Variants in PCDHGA2 observed in about 807,000 individuals in gnomAD.
The protein encoded by PCDHGA2 is protocadherin gamma subfamily A, 2.
Under a neutral mutation model 59.2 loss-of-function variants are expected in PCDHGA2, and 40 were observed. That is an observed-to-expected ratio of 0.68 (90% CI 0.52 to 0.88). The LOEUF (loss-of-function observed/expected upper bound fraction) is 0.88, where lower values mean the gene tolerates loss of function less well. Among genes scored for constraint, PCDHGA2 ranks in the 40% least tolerant of loss-of-function variants. PCDHGA2 has a pLI of 0.00. For missense variants in PCDHGA2, 1,226 were observed against 1,204.0 expected, an observed-to-expected ratio of 1.02 and a Z score of -0.27; for synonymous variants, 560 against 526.0, an observed-to-expected ratio of 1.06 and a Z score of -0.89.
intron 1 of PCDHGA2, chr5:141,365,994 A>G: frequency 6.2e-7 from 1 of 1,614,260 alleles, no homozygotes; most frequent in Non-Finnish European, 8.5e-7. Flanking sequence ...GTGCTGGACC[A>G]GAACGACAAT....
At chr5:141,365,190 A>C (rs1188827131) in intron 1 of PCDHGA2, 1 of 1,613,890 alleles carries the variant, frequency 6.2e-7, no homozygotes, top group South Asian at 1.1e-5. Context: ...GAAGAAGAAA[A>C]AATTTCGGAG....
At chr5:141,400,166 C>T (rs370071207) in intron 1 of PCDHGA2, 80 of 1,613,954 alleles carry the variant, frequency 5.0e-5, no homozygotes, top group South Asian at 7.7e-5. Context: ...CCCTCTGACC[C>T]CCAGGCTGAG....
intron 1 of PCDHGA2, chr5:141,352,719 G>T (rs1302952599): frequency 1.3e-6 from 2 of 1,536,882 alleles, no homozygotes; most frequent in Non-Finnish European, 1.8e-6. Context: ...GCCGGGCGCG[G>T]TGGCTCAAGC....
intron 1 of PCDHGA2, chr5:141,361,439 G>T (rs778817217): frequency 1.2e-6 from 2 of 1,614,032 alleles, no homozygotes. Context: ...CTCTCCTCCA[G>T]CATAATTGTC....
chr5:141,405,540 C>A (rs2094682922), intron 1 of PCDHGA2: 1 of 641,202 alleles, frequency 1.6e-6, no homozygotes, highest in African/African-American at 1.8e-5. Context: ...CTGCCTCAGC[C>A]TCCCAAGTAG....
intron 1 of PCDHGA2, chr5:141,388,083 C>A (rs942656707): frequency 1.5e-6 from 2 of 1,358,264 alleles, no homozygotes; most frequent in South Asian, 1.3e-5. Flanking sequence ...TCGAAAACTG[C>A]GCGTCAGTTC....
At chr5:141,494,938 G>A in intron 2 of PCDHGA2, 73 bp downstream of exon 2, 1 of 1,611,916 alleles carries the variant, frequency 6.2e-7, no homozygotes, top group South Asian at 1.1e-5. Context: ...AGGAGATGGG[G>A]GAGGGCCCAG....
chr5:141,348,522 G>T lies in PCDHGA2; in HGVS notation c.2424+7127G>T, dbSNP rs1376139364. On this transcript the variant is annotated intron_variant, in intron 1 of 3. Coordinates refer to ENST00000394576, the MANE Select transcript of PCDHGA2 (RefSeq NM_018915.4). ...TAATTAGCTGTGTCAGGGGAAATTT[G>T]GATGCTCAAAGATAATTTCTAAGAA... Among the ~76,000 whole-genome samples, 3 of 152,212 alleles carry T rather than the reference G, an allele frequency of 2.0e-5. 1 individual carries two copies. The highest frequency in any genetic ancestry group is 7.2e-5 in the African/African-American group (3 of 41,530).
chr5:141,384,703 G>C lies in PCDHGA2; in HGVS notation c.2424+43308G>C, dbSNP rs776947081. ...GGTGGACAAAGATTCAGGCCAGAAC[G>C]CCTGGCTGTCATACCTCCTGCTTAA... On this transcript the variant is annotated intron_variant, in intron 1 of 3. Transcript: ENST00000394576. 2 of 1,613,982 alleles carry C rather than the reference G, an allele frequency of 1.2e-6. No individual in the cohort carries two copies. Among genetic ancestry groups the C allele is most frequent in the African/African-American group, 1.3e-5 (1 of 74,932 alleles).
chr5:141,461,334 G>T (rs558562450), intron 1 of PCDHGA2, among the ~76,000 whole-genome samples: 75 of 152,166 alleles, frequency 4.9e-4, no homozygotes, highest in African/African-American at 1.7e-3. Flanking sequence ...GGCCATTCTT[G>T]CAGGACCAAG....
chr5:141,446,692 G>T (rs543476108), intron 1 of PCDHGA2, among the ~76,000 whole-genome samples: 2 of 152,280 alleles, frequency 1.3e-5, no homozygotes, highest in African/African-American at 4.8e-5. Context: ...TGGCCAGGCT[G>T]GTCTCGAACT....
rs111458813 is a variant in PCDHGA2 at position 141,483,648 on chromosome 5, TTG to T, written c.2425-11139_2425-11138del. Among the ~76,000 whole-genome samples, 82 of 149,502 alleles carry T rather than the reference TTG, an allele frequency of 5.5e-4. 1 individual carries two copies. The highest frequency in any genetic ancestry group is 2.5e-3 in the Admixed American group (37 of 14,990). Reference sequence around the variant, plus strand: ...GGAGAAGGTATAGAGGGGTGTGTGTTTGTGTGTGTGTGTGTGTGTGTAAAAGA... The same window carrying T: ...GGAGAAGGTATAGAGGGGTGTGTGTTTGTGTGTGTGTGTGTGTGTAAAAGA... On this transcript the variant is annotated intron_variant, in intron 1 of 3. Transcript: ENST00000394576.
chr5:141,392,746 G>A (rs970809453), intron 1 of PCDHGA2: 4 of 1,443,856 alleles, frequency 2.8e-6, no homozygotes, highest in Non-Finnish European at 3.6e-6. Flanking sequence ...CATAGCTGCG[G>A]CAAGAAACTA....
intron 1 of PCDHGA2, chr5:141,352,712 G>A (rs1182377694): frequency 2.6e-6 from 4 of 1,540,858 alleles, no homozygotes; most frequent in Non-Finnish European, 2.6e-6. Flanking sequence ...TATGGCGGCC[G>A]GGCGCGGTGG....
intron 1 of PCDHGA2, among the ~76,000 whole-genome samples, chr5:141,470,664 G>A (rs1308061207): frequency 6.6e-6 from 1 of 151,882 alleles, no homozygotes; most frequent in Non-Finnish European, 1.5e-5. Context: ...CTTTGGTTAG[G>A]GCTCTGCTGT....
Position 141,481,023 on chromosome 5 carries a change from A to G in PCDHGA2, c.2425-13784A>G, listed in dbSNP as rs546827260. On this transcript the variant is annotated intron_variant, in intron 1 of 3. Transcript: ENST00000394576. ...CAGTGAGCCCAGATCACACCACTGC[A>G]CTCCAGCCTGGGCGACAGAGCGAGA... Among the ~76,000 whole-genome samples the G allele has an allele frequency of 9.0e-4, 137 of 152,218 alleles. 1 individual carries two copies. The highest frequency in any genetic ancestry group is 3.2e-3 in the African/African-American group (132 of 41,516).
chr5:141,505,589 C>T, intron 3 of PCDHGA2, 108 bp downstream of exon 3: 1 of 1,573,272 alleles, frequency 6.4e-7, no homozygotes, highest in Non-Finnish European at 8.6e-7. Context: ...GTAGTTTCTC[C>T]AGATCTTTCG....
At chr5:141,417,702 A>G (rs2096149298) in intron 1 of PCDHGA2, 2 of 1,199,336 alleles carry the variant, frequency 1.7e-6, no homozygotes, top group Non-Finnish European at 1.1e-6. Context: ...CAGCTCCCAC[A>G]CAGAGGCTCC....
At chr5:141,365,868 T>A (rs778651713) in intron 1 of PCDHGA2, 9 of 1,614,024 alleles carry the variant, frequency 5.6e-6, no homozygotes, top group Non-Finnish European at 6.8e-6. Flanking sequence ...GACACCGGTG[T>A]CCTGTATGCT....
Sources: gnomAD v4.1 joint callset for allele counts (sites outside exome capture counted in the v4.1 genomes callset) on GRCh38, gnomAD v4.1.1 for gene constraint, MANE v1.5 for transcripts, NCBI Gene and HGNC (gene_info 2026-07-23, HGNC 2026-07-21) for gene names.